ECPAS: variants seen among roughly 807,000 people sequenced by gnomAD.
ECPAS encodes the protein Ecm29 proteasome adaptor and scaffold, also known as proteasome adapter and scaffold protein ECM29.
A neutral mutation model predicts 255.1 loss-of-function variants in ECPAS; 70 were observed. The ratio of observed to expected loss-of-function variants is 0.27; its 90% confidence interval spans 0.23 to 0.33. ECPAS has a LOEUF of 0.33. Ranked by LOEUF, ECPAS falls within the 10% of genes least tolerant of loss-of-function variation. The pLI, the probability that ECPAS is intolerant of heterozygous loss-of-function variation, is 1.00. For synonymous variants in ECPAS, 784 were observed against 775.0 expected (o/e 1.01, Z -0.19); for missense variants, 1,817 against 2,206.4 (o/e 0.82, Z 3.54).
chr9:111,433,427 A>G (rs1436603530), intron 7 of ECPAS, 55 bp from the exon 8 acceptor site: 7 of 1,576,884 alleles, frequency 4.4e-6, no homozygotes, highest in African/African-American at 2.7e-5. Context: ...AAGGACACCC[A>G]CTGAAAGTAC....
chr9:111,412,796 T>G (rs1339285254), intron 20 of ECPAS, among the ~76,000 whole-genome samples: 1 of 152,128 alleles, frequency 6.6e-6, no homozygotes, highest in Admixed American at 6.5e-5. Flanking sequence ...TATCCAGAAA[T>G]GTGCAAAACT....
chr9:111,483,095 CTA>C (rs1470290635), intron 1 of ECPAS, among the ~76,000 whole-genome samples: 1 of 152,208 alleles, frequency 6.6e-6, no homozygotes, highest in African/African-American at 2.4e-5. Context: ...AGCTCCATTT[CTA>C]TAACTCAACC....
chr9:111,468,690 G>A (rs1589234870), intron 2 of ECPAS, among the ~76,000 whole-genome samples: 2 of 130,446 alleles, frequency 1.5e-5, no homozygotes, highest in African/African-American at 5.7e-5. Flanking sequence ...AAGCTCAAAC[G>A]TGTGTGTGTG....
chr9:111,412,944 C>A (rs757758945), intron 20 of ECPAS, among the ~76,000 whole-genome samples: 23 of 151,330 alleles, frequency 1.5e-4, no homozygotes, highest in Non-Finnish European at 3.2e-4. Flanking sequence ...CTGTATGGGC[C>A]AACACTTATA....
intron 2 of ECPAS, among the ~76,000 whole-genome samples, chr9:111,467,681 T>C (rs546280315): frequency 1.3e-5 from 2 of 152,310 alleles, no homozygotes; most frequent in South Asian, 2.1e-4. Context: ...ATCAAGTTAC[T>C]ACAGAAATAT....
chr9:111,371,634 G>T lies in ECPAS; in HGVS notation c.4724C>A (p.Thr1575Lys), dbSNP rs141635106. 1 of 1,613,466 alleles carries T rather than the reference G, an allele frequency of 6.2e-7. No individual in the cohort carries two copies. ...TGGTTCCTTTACCTTTCCTGCCCAC[G>T]TTCTTCCAGCCAGGCCTTGCAGCAA... ...TALLQGLAGR[T>K]WAGKEELLKA... Residue 1575 changes from threonine (T) to lysine (K), a missense_variant, in exon 43 of 50, where the codon ACG (threonine) becomes AAG (lysine). Coordinates refer to ENST00000684092, the MANE Select transcript of ECPAS (RefSeq NM_001364929.1).
chr9:111,365,284 CCATTATCAT>C (rs2098118863), intron 48 of ECPAS, among the ~76,000 whole-genome samples: 1 of 92,990 alleles, frequency 1.1e-5, no homozygotes, highest in African/African-American at 3.9e-5. Flanking sequence ...ATAATAATAA[CCATTATCAT>C]CATCATCATC....
At position 111,420,104 on chromosome 9, in the gene ECPAS, C is replaced by T. The variant is rs369458895; in HGVS notation, c.1472G>A (p.Arg491Gln). The part of the protein sequence containing the change: ...SYLIKPEVQV[R>Q]QVAVKFASTV... Reference sequence around the variant, plus strand: ...ACTGGCAAATTTCACAGCCACTTGTCGAACTTGAACTTCAGGCTATTTCAT... The same window carrying T: ...ACTGGCAAATTTCACAGCCACTTGTTGAACTTGAACTTCAGGCTATTTCAT... The change falls in exon 16 of 50, where the codon CGA becomes CAA. Residue 491 changes from arginine to glutamine, a missense_variant. Arg to Gln is a conservative substitution (Grantham distance 43, BLOSUM62 1). This residue lies in a region of ECPAS where 573 missense variants were observed against 716.2 expected (regional missense o/e 0.80). Coordinates refer to ENST00000684092, the MANE Select transcript of ECPAS (RefSeq NM_001364929.1). The T allele has an allele frequency of 3.1e-5, 50 of 1,611,616 alleles. No homozygotes were observed. Among genetic ancestry groups the T allele is most frequent in the African/African-American group, 5.4e-5 (4 of 74,620 alleles).
intron 23 of ECPAS, among the ~76,000 whole-genome samples, chr9:111,408,890 G>C (rs185310367): frequency 6.6e-6 from 1 of 152,304 alleles, no homozygotes; most frequent in East Asian, 1.9e-4. Flanking sequence ...AGCTGCAAAA[G>C]AAGAAGGAAG....
chr9:111,385,304 G>A, intron 33 of ECPAS, 33 bp downstream of exon 33: 3 of 985,644 alleles, frequency 3.0e-6, no homozygotes, highest in South Asian at 3.2e-5. Flanking sequence ...TTAACTTTTT[G>A]TATATATAAA....
At chr9:111,383,731 G>A (rs1416027664) in intron 34 of ECPAS, among the ~76,000 whole-genome samples, 2 of 152,056 alleles carry the variant, frequency 1.3e-5, no homozygotes, top group African/African-American at 4.8e-5. Context: ...GACCAGCCTG[G>A]GCAACATGAA....
chr9:111,423,034 A>C (rs1033520728), intron 13 of ECPAS, among the ~76,000 whole-genome samples, 165 bp downstream of exon 13: 1 of 152,210 alleles, frequency 6.6e-6, no homozygotes, highest in African/African-American at 2.4e-5. Context: ...AAAATGTCTC[A>C]CATCTTTTTC....
chr9:111,414,975 T>C (rs1691470284), intron 18 of ECPAS, among the ~76,000 whole-genome samples: 1 of 152,074 alleles, frequency 6.6e-6, no homozygotes, highest in Non-Finnish European at 1.5e-5. Context: ...AAGTGGGAGT[T>C]AGATGATAAG....
chr9:111,449,638 A>G (rs1365849628), intron 3 of ECPAS, among the ~76,000 whole-genome samples: 1 of 152,204 alleles, frequency 6.6e-6, no homozygotes, highest in Non-Finnish European at 1.5e-5. Flanking sequence ...AGATAAGTAA[A>G]TGAGTTAAAA....
chr9:111,393,557 G>C, intron 27 of ECPAS, 123 bp downstream of exon 27: 1 of 682,216 alleles, frequency 1.5e-6, no homozygotes, highest in Admixed American at 3.0e-5. Flanking sequence ...TAACAAATAA[G>C]GTTTAATAAT....
intron 2 of ECPAS, among the ~76,000 whole-genome samples, chr9:111,463,391 A>C (rs993263368): frequency 6.6e-6 from 1 of 152,266 alleles, no homozygotes; most frequent in Non-Finnish European, 1.5e-5. Context: ...AAATAAACTC[A>C]ATATTGCAAA....
chr9:111,400,822 C>G (rs897139968), intron 24 of ECPAS, among the ~76,000 whole-genome samples: 15 of 152,012 alleles, frequency 9.9e-5, no homozygotes, highest in African/African-American at 3.6e-4. Flanking sequence ...AAAGAGGAAA[C>G]AGAGAAAGAA....
intron 20 of ECPAS, among the ~76,000 whole-genome samples, chr9:111,413,280 T>C (rs1006819487): frequency 1.3e-5 from 2 of 152,228 alleles, no homozygotes; most frequent in Non-Finnish European, 2.9e-5. Context: ...AGATCTAGAA[T>C]ACATGATAGT....
At chr9:111,448,449 T>C (rs1479164024) in intron 3 of ECPAS, among the ~76,000 whole-genome samples, 1 of 152,138 alleles carries the variant, frequency 6.6e-6, no homozygotes, top group Non-Finnish European at 1.5e-5. Flanking sequence ...ACTATAATTA[T>C]TAATAAAGAC....
Sources: gnomAD v4.1 joint callset for allele counts (sites outside exome capture counted in the v4.1 genomes callset) on GRCh38, gnomAD v4.1.1 for gene constraint, gnomAD v4.1.1 regional missense constraint, MANE v1.5 for transcripts, NCBI Gene and HGNC (gene_info 2026-07-23, HGNC 2026-07-21) for gene names.